Variants in PTPRD observed in about 807,000 individuals in gnomAD.
PTPRD encodes the protein receptor-type tyrosine-protein phosphatase delta.
Under a neutral mutation model 214.5 loss-of-function variants are expected in PTPRD, and 34 were observed. The ratio of observed to expected loss-of-function variants is 0.16; its 90% CI spans 0.12 to 0.21. The LOEUF (loss-of-function observed/expected upper bound fraction) is 0.21, where lower values mean the gene tolerates loss of function less well. Among genes scored for constraint, PTPRD ranks in the 10% least tolerant of loss-of-function variants. The pLI is 1.00. For missense variants in PTPRD, 2,545 were observed against 2,398.7 expected (o/e 1.06, Z -1.27); for synonymous variants, 1,128 against 845.7 (o/e 1.33, Z -5.79).
At chr9:10,413,734 C>T (rs2098459956) in intron 2 of PTPRD, among the ~76,000 whole-genome samples, 1 of 151,858 alleles carries the variant, frequency 6.6e-6, no homozygotes, top group African/African-American at 2.4e-5. Flanking sequence ...GTATACAAAA[C>T]AGCAAGATAT....
chr9:9,922,965 A>G (rs1169092610), intron 5 of PTPRD, among the ~76,000 whole-genome samples: 1 of 151,418 alleles, frequency 6.6e-6, no homozygotes, highest in Non-Finnish European at 1.5e-5. Context: ...TAATTCTATC[A>G]AAGTATTTTA....
intron 8 of PTPRD, among the ~76,000 whole-genome samples, chr9:9,410,487 C>G (rs977381371): frequency 6.6e-6 from 1 of 152,152 alleles, no homozygotes; most frequent in African/African-American, 2.4e-5. Context: ...AATACACAAG[C>G]ATTCCCCATT....
At chr9:8,624,059 A>G (rs1345262474) in intron 14 of PTPRD, among the ~76,000 whole-genome samples, 1 of 151,916 alleles carries the variant, frequency 6.6e-6, no homozygotes, top group African/African-American at 2.4e-5. Flanking sequence ...TGTGACCTAG[A>G]TGTCATAGAA....
intron 11 of PTPRD, among the ~76,000 whole-genome samples, chr9:8,891,177 A>G (rs952708223): frequency 7.8e-6 from 1 of 128,614 alleles, no homozygotes; most frequent in Non-Finnish European, 1.6e-5. Flanking sequence ...TCTGTTACCC[A>G]GGCTGGAGTG....
At chr9:8,857,431 G>A (rs970365915) in intron 11 of PTPRD, among the ~76,000 whole-genome samples, 2 of 152,170 alleles carry the variant, frequency 1.3e-5, no homozygotes, top group Admixed American at 6.5e-5. Context: ...CAGGCGAGAA[G>A]TGAACCCAGC....
At chr9:9,568,947 T>C (rs896137338) in intron 8 of PTPRD, among the ~76,000 whole-genome samples, 3 of 151,764 alleles carry the variant, frequency 2.0e-5, no homozygotes, top group East Asian at 1.9e-4. Context: ...GTGGGTTTTG[T>C]TGAATAAAAT....
intron 11 of PTPRD, among the ~76,000 whole-genome samples, chr9:8,917,294 A>AT (rs5896279): frequency 2.8e-4 from 40 of 140,362 alleles, no homozygotes; most frequent in Non-Finnish European, 4.2e-4. Context: ...AGCCCAGCTA[A>AT]TTTTTTTTTT....
At chr9:10,294,925 C>A (rs955395985) in intron 3 of PTPRD, among the ~76,000 whole-genome samples, 1 of 151,874 alleles carries the variant, frequency 6.6e-6, no homozygotes, top group African/African-American at 2.4e-5. Context: ...GGTTTGACAT[C>A]CATTTGTTTT....
chr9:9,024,819 C>A (rs1309176679), intron 10 of PTPRD, among the ~76,000 whole-genome samples: 2 of 151,658 alleles, frequency 1.3e-5, no homozygotes, highest in African/African-American at 4.8e-5. Context: ...TGATTATAAA[C>A]ATAAAGATTT....
At chr9:9,219,879 A>T (rs2099954670) in intron 9 of PTPRD, among the ~76,000 whole-genome samples, 1 of 152,218 alleles carries the variant, frequency 6.6e-6, no homozygotes, top group Non-Finnish European at 1.5e-5. Flanking sequence ...TCAGCAAAAC[A>T]TTGGGACTAT....
At chr9:8,586,174 C>T (rs550427840) in intron 14 of PTPRD, among the ~76,000 whole-genome samples, 1 of 141,010 alleles carries the variant, frequency 7.1e-6, no homozygotes, top group East Asian at 1.9e-4. Flanking sequence ...GCGGCGTGTG[C>T]CTGTAATCCC....
At chr9:8,803,965 C>A (rs937814003) in intron 11 of PTPRD, among the ~76,000 whole-genome samples, 4 of 151,704 alleles carry the variant, frequency 2.6e-5, no homozygotes, top group African/African-American at 9.7e-5. Context: ...TCCCTCCACC[C>A]CCCCACAGAC....
chr9:9,852,644 AATAAG>A (rs1175837043), intron 5 of PTPRD, among the ~76,000 whole-genome samples: 2 of 152,104 alleles, frequency 1.3e-5, no homozygotes, highest in African/African-American at 2.4e-5. Flanking sequence ...TGTCTTTATA[AATAAG>A]ATAAAGATTA....
At chr9:9,928,755 T>TCTACACACACACACACAC (rs1555348332) in intron 5 of PTPRD, among the ~76,000 whole-genome samples, 3 of 109,624 alleles carry the variant, frequency 2.7e-5, no homozygotes, top group African/African-American at 1.1e-4. Context: ...TCTCTCTCTC[T>TCTACACACACACACACAC]ATACACACAC....
intron 4 of PTPRD, among the ~76,000 whole-genome samples, chr9:9,948,877 G>A (rs188126275): frequency 6.6e-6 from 1 of 152,056 alleles, no homozygotes. Context: ...CAAAGAACAA[G>A]ATATGGCAGT....
intron 11 of PTPRD, among the ~76,000 whole-genome samples, chr9:8,903,533 T>G (rs574574284): frequency 1.3e-5 from 2 of 152,318 alleles, no homozygotes; most frequent in South Asian, 4.1e-4. Flanking sequence ...ATCAGTAGGT[T>G]TGACAAAAAT....
chr9:9,764,355 C>T (rs1295146926), intron 6 of PTPRD, among the ~76,000 whole-genome samples: 1 of 151,912 alleles, frequency 6.6e-6, no homozygotes, highest in Non-Finnish European at 1.5e-5. Flanking sequence ...ACATGAAGAC[C>T]CCTTATGTAT....
intron 9 of PTPRD, among the ~76,000 whole-genome samples, chr9:9,326,547 C>A (rs2039986256): frequency 6.6e-6 from 1 of 151,252 alleles, no homozygotes; most frequent in African/African-American, 2.4e-5. Flanking sequence ...AATATTCGAA[C>A]CCTTGATCTT....
chr9:8,324,171 T>C (rs1006728138), intron 44 of PTPRD, among the ~76,000 whole-genome samples: 1 of 151,766 alleles, frequency 6.6e-6, no homozygotes, highest in African/African-American at 2.4e-5. Context: ...TACATAGGTA[T>C]AAATGCACCA....
Sources: allele counts gnomAD v4.1 joint callset (sites outside exome capture counted in the v4.1 genomes callset), GRCh38; gene constraint gnomAD v4.1.1; transcripts MANE v1.5; gene names NCBI Gene and HGNC (gene_info 2026-07-23, HGNC 2026-07-21).